ITSN2: variants seen among roughly 807,000 people sequenced by gnomAD.
The protein encoded by ITSN2 is intersectin-2.
ITSN2 carries 156 observed loss-of-function variants against 243.7 expected under a neutral mutation model. The observed-to-expected ratio is 0.64, with a 90% CI of 0.56 to 0.73. ITSN2 has a LOEUF of 0.73. Ranked by LOEUF, ITSN2 falls within the 30% of genes least tolerant of loss-of-function variation. The pLI, the probability that ITSN2 is intolerant of heterozygous loss-of-function variation, is 0.00. For synonymous variants in ITSN2, 703 were observed against 699.9 expected (o/e 1.00, Z -0.07); for missense variants, 1,801 against 1,996.1 (o/e 0.90, Z 1.86).
At chr2:24,260,591 C>G (rs753025473) in intron 22 of ITSN2, among the ~76,000 whole-genome samples, 6 of 151,840 alleles carry the variant, frequency 4.0e-5, no homozygotes, top group Non-Finnish European at 5.9e-5. Context: ...CTGCTAGCAA[C>G]TTGGTATTAT....
At chr2:24,312,156 G>T in intron 5 of ITSN2, 56 bp downstream of exon 5, 1 of 1,368,436 alleles carries the variant, frequency 7.3e-7, no homozygotes, top group Non-Finnish European at 9.9e-7. Context: ...ACTCAAATAT[G>T]CCTAGGGATA....
chr2:24,351,676 C>G (rs1393959530), intron 1 of ITSN2, among the ~76,000 whole-genome samples: 1 of 152,162 alleles, frequency 6.6e-6, no homozygotes, highest in Non-Finnish European at 1.5e-5. Context: ...TCCTGCATTG[C>G]CCGCATCTGT....
At chr2:24,286,659 G>A (rs1287751408) in intron 15 of ITSN2, among the ~76,000 whole-genome samples, 1 of 152,168 alleles carries the variant, frequency 6.6e-6, no homozygotes, top group African/African-American at 2.4e-5. Context: ...TCTATACAAT[G>A]AGCATCATGC....
In ITSN2 at chr2:24,360,419, T is replaced by G. The variant is rs1456116656; in HGVS notation, c.-149A>C. 2.6e-5 allele frequency: 4 copies of G among 152,500 alleles called. No homozygotes were observed. Among genetic ancestry groups the G allele is most frequent in the African/African-American group, 9.7e-5 (4 of 41,428 alleles). The allele number at this position is 152,500 out of a possible 1,614,324, so 9.4% of individuals were successfully genotyped here. A position where few individuals can be genotyped will look rare whatever the true frequency, so the allele number is the denominator to read the frequency against. The stretch of plus-strand genomic sequence containing the variant: ...CCTGCTCTGCCGCCGTCGCCGCCAC[T>G]GCAGCTGGCTTGGTCGTCAGGCCGC... On this transcript the variant is annotated 5_prime_UTR_variant, in exon 1 of 40. Coordinates refer to ENST00000355123, the MANE Select transcript of ITSN2 (RefSeq NM_006277.3).
chr2:24,332,332 T>C (rs1282759885), intron 1 of ITSN2, among the ~76,000 whole-genome samples: 1 of 151,586 alleles, frequency 6.6e-6, no homozygotes, highest in Non-Finnish European at 1.5e-5. Context: ...GTATCTTTAA[T>C]AAAGCTGGAT....
At chr2:24,343,079 A>G (rs1687195065) in intron 1 of ITSN2, among the ~76,000 whole-genome samples, 1 of 150,828 alleles carries the variant, frequency 6.6e-6, no homozygotes, top group African/African-American at 2.4e-5. Flanking sequence ...TAACAGAGTG[A>G]GACCCCATCT....
At position 24,301,231 on chromosome 2, in the gene ITSN2, T is replaced by C. The variant is rs777978072; in HGVS notation, c.1004A>G (p.Lys335Arg). 1.2e-6 allele frequency: 2 copies of C among 1,603,242 alleles called. No homozygotes were observed. Among genetic ancestry groups the C allele is most frequent in the Admixed American group, 1.7e-5 (1 of 59,028 alleles). ...AGTTCCATTAATGGAATCAATTTGC[T>C]TTCCTCCTCTAAAAAAATCAAACAA... Reference protein sequence around the residue: ...ELVPPSFRGGKQIDSINGTLP... With the variant: ...ELVPPSFRGGRQIDSINGTLP... Residue 335 changes from lysine to arginine, a missense_variant, in exon 11 of 40, where the codon AAG becomes AGG. Transcript: ENST00000355123.
chr2:24,301,727 T>C (rs1681767464), intron 10 of ITSN2, among the ~76,000 whole-genome samples: 1 of 152,102 alleles, frequency 6.6e-6, no homozygotes, highest in African/African-American at 2.4e-5. Context: ...GGTCTCACTA[T>C]GTTGTCCACG....
At position 24,203,611 on chromosome 2, in the gene ITSN2, T is replaced by C. The variant is rs1189916343; in HGVS notation, c.*15A>G. Reference sequence around the variant, plus strand: ...GCCTTGTGGGCTGTCCCGCTGGTGCTGTCCTTTAGAACCCCTACAGGAGAG... The same window carrying C: ...GCCTTGTGGGCTGTCCCGCTGGTGCCGTCCTTTAGAACCCCTACAGGAGAG... On this transcript the variant is annotated 3_prime_UTR_variant, in exon 40 of 40. Transcript: ENST00000355123. The C allele has an allele frequency of 6.2e-7, 1 of 1,610,346 alleles. No homozygotes were observed. Among genetic ancestry groups the C allele is most frequent in the Non-Finnish European group, 8.5e-7 (1 of 1,177,828 alleles).
At position 24,358,791 on chromosome 2, in the gene ITSN2, T is replaced by C. The variant is rs75819371; in HGVS notation, c.-34+1513A>G. Among the ~76,000 whole-genome samples, 48 of 152,318 alleles carry C rather than the reference T, an allele frequency of 3.2e-4. No homozygotes were observed. The East Asian group carries it at 9.1e-3, about 29-fold the overall frequency. On this transcript the variant is annotated intron_variant, in intron 1 of 39. Transcript: ENST00000355123. ...ATCCCCAAAACATGCCTAACACACC[T>C]CCTCATATTCAGGAGAGATCAAGAT...
Position 24,203,400 on chromosome 2 carries a change from T to C in ITSN2, c.*226A>G. On this transcript the variant is annotated 3_prime_UTR_variant, in exon 40 of 40. Transcript: ENST00000355123. ...ATCTAAACAAACAGAGCTGAACATG[T>C]GAACACTAGGACAAGGCACTGTACT... is the stretch of plus-strand genomic sequence containing the variant. The C allele has an allele frequency of 2.3e-6, 1 of 429,036 alleles. No individual in the cohort carries two copies. Among genetic ancestry groups the C allele is most frequent in the South Asian group, 7.1e-5 (1 of 14,114 alleles). 26.6% of individuals were successfully genotyped at this position (429,036 alleles called of 1,614,324 possible). A position where few individuals can be genotyped will look rare whatever the true frequency, so the allele number is the denominator to read the frequency against.
intron 1 of ITSN2, among the ~76,000 whole-genome samples, chr2:24,337,279 ATG>A (rs761971519): frequency 1.0e-5 from 1 of 97,920 alleles, no homozygotes; most frequent in African/African-American, 3.7e-5. Flanking sequence ...GTCTATATGT[ATG>A]TATGTGTGTG....
chr2:24,307,474 A>C (rs1682701525), intron 8 of ITSN2, among the ~76,000 whole-genome samples: 1 of 152,226 alleles, frequency 6.6e-6, no homozygotes, highest in African/African-American at 2.4e-5. Flanking sequence ...GTAAGCTAAG[A>C]AGTATAATAG....
Position 24,211,057 on chromosome 2 carries a change from C to A in ITSN2, c.4090-110G>T. On this transcript the variant is annotated intron_variant, in intron 33 of 39. Transcript: ENST00000355123. This position sits in a 1 kb window ranked among gnomAD's most constrained non-coding sequence, Gnocchi z 4.1. ...CCATGTTATGGACTGCTTCCATGCC[C>A]TGGAAACGCGGCGGTGAACAAGACG... 9.8e-7 allele frequency: 1 copy of A among 1,019,792 alleles called. No homozygotes were observed. The highest frequency in any genetic ancestry group is 1.5e-6 in the Non-Finnish European group (1 of 688,782). The allele number at this position is 1,019,792 out of a possible 1,614,324, so 63.2% of individuals were successfully genotyped here.
At chr2:24,242,036 G>GT (rs1331001931) in intron 29 of ITSN2, 6 of 152,562 alleles carry the variant, frequency 3.9e-5, no homozygotes, top group Non-Finnish European at 7.3e-5. Flanking sequence ...AATTTAAACT[G>GT]TAAGTTAGAA....
At chr2:24,231,409 C>T (rs989858730) in intron 29 of ITSN2, among the ~76,000 whole-genome samples, 4 of 152,136 alleles carry the variant, frequency 2.6e-5, no homozygotes, top group African/African-American at 9.7e-5. Flanking sequence ...TACAGGCAGT[C>T]AGAGAAATTG....
intron 2 of ITSN2, among the ~76,000 whole-genome samples, chr2:24,318,929 A>G (rs1235302615): frequency 6.6e-6 from 1 of 152,220 alleles, no homozygotes; most frequent in Non-Finnish European, 1.5e-5. Context: ...CAGTGGCAGC[A>G]TTAGATTCTC....
rs796385641 is a variant in ITSN2 at position 24,307,606 on chromosome 2, T to C, written c.793+1011A>G. Among the ~76,000 whole-genome samples the C allele has an allele frequency of 5.9e-5, 9 of 152,336 alleles. 1 individual carries two copies. The highest frequency in any genetic ancestry group is 2.2e-4 in the African/African-American group (9 of 41,574). ...GAGGTAACCACTATCCTGAATTTTG[T>C]ATGCATAATTCCCTTGCTTTAAAAA... On this transcript the variant is annotated intron_variant, in intron 8 of 39. Transcript: ENST00000355123.
At chr2:24,316,448 A>G (rs981011951) in intron 2 of ITSN2, among the ~76,000 whole-genome samples, 1 of 151,974 alleles carries the variant, frequency 6.6e-6, no homozygotes, top group African/African-American at 2.4e-5. Context: ...ACACCCGGCT[A>G]ATTTTTGTAT....
Sources: allele counts gnomAD v4.1 joint callset (sites outside exome capture counted in the v4.1 genomes callset), GRCh38; gene constraint gnomAD v4.1.1; non-coding constraint Gnocchi (gnomAD v3.1); transcripts MANE v1.5; gene names NCBI Gene and HGNC (gene_info 2026-07-23, HGNC 2026-07-21).